Variants in GARIN1A observed in about 807,000 individuals in gnomAD.
The protein encoded by GARIN1A is golgi associated RAB2 interactor 1A.
At chr7:128,673,099 G>T in the GARIN1A span, among the ~76,000 whole-genome samples, 1 of 152,166 alleles carries the variant, frequency 6.6e-6, no homozygotes, top group South Asian at 2.1e-4. Flanking sequence ...TCTTAACGCG[G>T]GTGCTGCCTG....
At chr7:128,689,782 G>A in the GARIN1A span, among the ~76,000 whole-genome samples, 1 of 93,824 alleles carries the variant, frequency 1.1e-5, no homozygotes, top group African/African-American at 3.4e-5. Context: ...GTCCGGGAGG[G>A]AGGTGGGGGG....
At chr7:128,689,759 G>C in the GARIN1A span, among the ~76,000 whole-genome samples, 9 of 77,380 alleles carry the variant, frequency 1.2e-4, 1 homozygote, top group Non-Finnish European at 2.1e-4. Context: ...AGCCCCCGCC[G>C]GCCAGCCACC....
the GARIN1A span, among the ~76,000 whole-genome samples, chr7:128,699,931 A>G: frequency 6.6e-6 from 1 of 152,098 alleles, no homozygotes; most frequent in African/African-American, 2.4e-5. Flanking sequence ...GGTGAATTGA[A>G]CGTTTTATCA....
the GARIN1A span, among the ~76,000 whole-genome samples, chr7:128,681,667 A>G: frequency 6.6e-6 from 1 of 151,486 alleles, no homozygotes; most frequent in African/African-American, 2.4e-5. Context: ...ATGCCTGGCT[A>G]ATTTTTTAAA....
the GARIN1A span, chr7:128,679,971 G>A: frequency 1.7e-5 from 17 of 996,286 alleles, no homozygotes; most frequent in African/African-American, 6.6e-5. Flanking sequence ...GTTCTACCCC[G>A]AGGAGGCCAA....
At chr7:128,690,547 T>A in the GARIN1A span, 8 of 152,378 alleles carry the variant, frequency 5.3e-5, no homozygotes, top group African/African-American at 1.9e-4. Flanking sequence ...GTTGGTGGAA[T>A]GATTTTTGTG....
At chr7:128,684,524 G>C in the GARIN1A span, 1 of 149,076 alleles carries the variant, frequency 6.7e-6, no homozygotes, top group Non-Finnish European at 1.5e-5. Flanking sequence ...GTTGAGGCAG[G>C]AGAATTGCTT....
chr7:128,681,057 T>G, the GARIN1A span, among the ~76,000 whole-genome samples: 1 of 152,272 alleles, frequency 6.6e-6, no homozygotes, highest in African/African-American at 2.4e-5. Context: ...ATTTATTTTG[T>G]CTGCCCTTCA....
chr7:128,707,551 C>T, the GARIN1A span, among the ~76,000 whole-genome samples: 1 of 151,760 alleles, frequency 6.6e-6, no homozygotes, highest in East Asian at 1.9e-4. Context: ...ACTGCAGCCT[C>T]AATCTCCTGG....
the GARIN1A span, among the ~76,000 whole-genome samples, chr7:128,704,322 T>G: frequency 6.8e-6 from 1 of 147,792 alleles, no homozygotes; most frequent in Non-Finnish European, 1.5e-5. Flanking sequence ...TTTTTTTTTT[T>G]GAAACAGAGT....
chr7:128,686,468 C>T, the GARIN1A span: 73 of 152,314 alleles, frequency 4.8e-4, no homozygotes, highest in African/African-American at 1.7e-3. Context: ...AGAGCCAGGA[C>T]TTGAAGCCAG....
the GARIN1A span, chr7:128,677,952 G>T: frequency 0.3 from 195,769 of 647,056 alleles, 30,470 homozygotes; most frequent in East Asian, 0.52. Flanking sequence ...TTTCTATTCA[G>T]TAGTATGAAT....
the GARIN1A span, among the ~76,000 whole-genome samples, chr7:128,700,283 TG>T: frequency 1.5e-3 from 215 of 145,764 alleles, 1 homozygote; most frequent in Non-Finnish European, 2.3e-3. Flanking sequence ...TTTTGTATTT[TG>T]TTTTTTTTTT....
the GARIN1A span, among the ~76,000 whole-genome samples, chr7:128,703,317 T>A: frequency 6.6e-6 from 1 of 152,186 alleles, no homozygotes; most frequent in Admixed American, 6.5e-5. Context: ...TCAACAAATT[T>A]CATGCAAAGT....
chr7:128,679,083 G>T, the GARIN1A span, among the ~76,000 whole-genome samples: 1 of 148,516 alleles, frequency 6.7e-6, no homozygotes, highest in East Asian at 1.9e-4. Context: ...TATAACACAA[G>T]ATTGTTTTTA....
At chr7:128,699,185 A>T in the GARIN1A span, among the ~76,000 whole-genome samples, 1 of 152,066 alleles carries the variant, frequency 6.6e-6, no homozygotes, top group Non-Finnish European at 1.5e-5. Context: ...AATATGTATT[A>T]CAAAAATATT....
the GARIN1A span, among the ~76,000 whole-genome samples, chr7:128,681,165 A>AAGG: frequency 3.3e-5 from 5 of 152,208 alleles, no homozygotes; most frequent in African/African-American, 9.7e-5. Context: ...GAGAATATAA[A>AAGG]AGGTCCTTTG....
chr7:128,699,269 C>A, the GARIN1A span, among the ~76,000 whole-genome samples: 142 of 143,462 alleles, frequency 9.9e-4, 10 homozygotes, highest in Non-Finnish European at 1.7e-3. Context: ...TGCCCCCCCC[C>A]CCCCACCACC....
At chr7:128,682,173 T>C in the GARIN1A span, among the ~76,000 whole-genome samples, 1 of 152,118 alleles carries the variant, frequency 6.6e-6, no homozygotes, top group Non-Finnish European at 1.5e-5. Context: ...AGGCTCTCTC[T>C]TTCAGCTTAA....
Sources: gnomAD v4.1 joint callset for allele counts (sites outside exome capture counted in the v4.1 genomes callset) on GRCh38, gnomAD v4.1.1 for gene constraint, MANE v1.5 for transcripts, NCBI Gene and HGNC (gene_info 2026-07-23, HGNC 2026-07-21) for gene names.